Variants in RALYL observed in about 807,000 individuals in gnomAD.
RALYL encodes the protein RNA-binding Raly-like protein.
In RALYL, 29 loss-of-function variants were observed where a neutral mutation model predicts 35.1. The ratio of observed to expected loss-of-function variants is 0.83; its 90% CI spans 0.61 to 1.13. The LOEUF (loss-of-function observed/expected upper bound fraction) is 1.13. RALYL is among the 50% of genes most tolerant of loss of function. The probability of loss-of-function intolerance (pLI) is 0.00; values close to 1 mark genes in which losing one functional copy is unlikely to be tolerated. For synonymous variants in RALYL, 120 were observed against 127.6 expected, an observed-to-expected ratio of 0.94 and a Z score of 0.40; for missense variants, 359 against 360.4, an observed-to-expected ratio of 1.00 and a Z score of 0.03.
intron 2 of RALYL, among the ~76,000 whole-genome samples, chr8:84,547,141 A>G (rs1503601): frequency 0.4 from 60,759 of 151,700 alleles, 12,225 homozygotes; most frequent in South Asian, 0.51. Flanking sequence ...AACAGGCCCC[A>G]GTGTGTGATA....
At chr8:84,374,711 G>C (rs1352825818) in intron 1 of RALYL, among the ~76,000 whole-genome samples, 1 of 151,860 alleles carries the variant, frequency 6.6e-6, no homozygotes, top group Non-Finnish European at 1.5e-5. Context: ...CTACTTGAGG[G>C]TGGAGGGTGC....
At chr8:84,530,266 G>A (rs904672021) in intron 2 of RALYL, among the ~76,000 whole-genome samples, 2 of 151,750 alleles carry the variant, frequency 1.3e-5, no homozygotes, top group African/African-American at 2.4e-5. Flanking sequence ...TTCTACCTTA[G>A]GAAAAAAATA....
chr8:84,509,642 T>C (rs2057444787), intron 1 of RALYL, among the ~76,000 whole-genome samples: 1 of 152,192 alleles, frequency 6.6e-6, no homozygotes, highest in Admixed American at 6.5e-5. Context: ...AGGTGTTCTA[T>C]AGTTTTCCAT....
At chr8:84,842,555 A>T (rs921138433) in intron 4 of RALYL, among the ~76,000 whole-genome samples, 1 of 152,228 alleles carries the variant, frequency 6.6e-6, no homozygotes, top group Non-Finnish European at 1.5e-5. Context: ...AGGAGCTAGT[A>T]CCATTCCTTC....
intron 5 of RALYL, among the ~76,000 whole-genome samples, chr8:84,851,683 A>G (rs1450796709): frequency 6.6e-6 from 1 of 152,178 alleles, no homozygotes; most frequent in Non-Finnish European, 1.5e-5. Flanking sequence ...TAAGTTCCAC[A>G]AGAATTCCAT....
rs192781873 is a variant in RALYL at position 84,679,861 on chromosome 8, A to T, written c.257-94718A>T. 1,084 of 363,618 alleles carry T rather than the reference A, an allele frequency of 3.0e-3. 8 individuals carry two copies. Among genetic ancestry groups the T allele is most frequent in the African/African-American group, 0.014 (646 of 46,946 alleles). 22.5% of individuals were successfully genotyped at this position (363,618 alleles called of 1,614,324 possible). On this transcript the variant is annotated intron_variant, in intron 2 of 8. Transcript: ENST00000521268. ...CATCTTTATTTTTTTTCTTTTTTTT[A>T]AAATTATACTTTAAGTTTTAGGGTA...
intron 2 of RALYL, among the ~76,000 whole-genome samples, chr8:84,540,610 C>G (rs896551901): frequency 7.9e-5 from 12 of 151,520 alleles, no homozygotes; most frequent in African/African-American, 2.4e-4. Context: ...TCATGATAAA[C>G]TATTGGCTTA....
intron 2 of RALYL, among the ~76,000 whole-genome samples, chr8:84,703,709 A>G (rs1008470142): frequency 6.6e-6 from 1 of 152,210 alleles, no homozygotes; most frequent in African/African-American, 2.4e-5. Context: ...ACGTTTATTC[A>G]TATCATAAAT....
At chr8:84,436,818 G>C (rs894039370) in intron 1 of RALYL, among the ~76,000 whole-genome samples, 1 of 150,390 alleles carries the variant, frequency 6.6e-6, no homozygotes, top group Non-Finnish European at 1.5e-5. Flanking sequence ...CTATTTTGTT[G>C]TAAGGACATT....
chr8:84,611,687 G>A (rs1201951148), intron 2 of RALYL, among the ~76,000 whole-genome samples: 1 of 151,986 alleles, frequency 6.6e-6, no homozygotes, highest in Non-Finnish European at 1.5e-5. Flanking sequence ...TTTGATTAAC[G>A]CAATAAATAT....
At chr8:84,868,956 G>T (rs973553341) in intron 6 of RALYL, among the ~76,000 whole-genome samples, 3 of 151,894 alleles carry the variant, frequency 2.0e-5, no homozygotes, top group African/African-American at 7.3e-5. Context: ...TATGTTACAA[G>T]GGTATCACCT....
chr8:84,594,203 A>G (rs1396257585), intron 2 of RALYL, among the ~76,000 whole-genome samples: 2 of 152,092 alleles, frequency 1.3e-5, no homozygotes, highest in African/African-American at 2.4e-5. Context: ...AAGCATTAAC[A>G]TCTCTGAAAT....
At chr8:84,651,956 T>C (rs2131539032) in intron 2 of RALYL, among the ~76,000 whole-genome samples, 1 of 152,178 alleles carries the variant, frequency 6.6e-6, no homozygotes, top group African/African-American at 2.4e-5. Flanking sequence ...CTACAAGTCT[T>C]TGCATAGTAA....
intron 1 of RALYL, among the ~76,000 whole-genome samples, chr8:84,339,819 C>T (rs551056000): frequency 1.1e-4 from 16 of 152,000 alleles, no homozygotes; most frequent in Admixed American, 2.0e-4. Context: ...CAACTTAGTA[C>T]GAAATCTAGT....
intron 2 of RALYL, among the ~76,000 whole-genome samples, chr8:84,681,093 T>C (rs1835376763): frequency 6.6e-6 from 1 of 152,172 alleles, no homozygotes; most frequent in African/African-American, 2.4e-5. Context: ...CCCAGGACCA[T>C]TTATTAAATA....
chr8:84,280,766 A>ATATACATATATATG (rs1167542006), intron 1 of RALYL, among the ~76,000 whole-genome samples: 7 of 150,222 alleles, frequency 4.7e-5, no homozygotes, highest in Non-Finnish European at 8.9e-5. Context: ...AATATATATA[A>ATATACATATATATG]TATACATATA....
At chr8:84,693,902 C>T (rs990528799) in intron 2 of RALYL, among the ~76,000 whole-genome samples, 2 of 151,512 alleles carry the variant, frequency 1.3e-5, no homozygotes, top group African/African-American at 4.8e-5. Flanking sequence ...ATACATTTCA[C>T]AAAATTTAAC....
At chr8:84,278,959 C>T (rs953723102) in intron 1 of RALYL, among the ~76,000 whole-genome samples, 2 of 152,152 alleles carry the variant, frequency 1.3e-5, no homozygotes, top group South Asian at 4.1e-4. Context: ...CACCTCACTC[C>T]TGGTACCAAT....
chr8:84,523,998 C>A (rs919365333), intron 1 of RALYL, among the ~76,000 whole-genome samples: 1 of 152,016 alleles, frequency 6.6e-6, no homozygotes, highest in Non-Finnish European at 1.5e-5. Context: ...GTCTTTATAG[C>A]AGCATGATTT....
Sources: allele counts gnomAD v4.1 joint callset (sites outside exome capture counted in the v4.1 genomes callset), GRCh38; gene constraint gnomAD v4.1.1; transcripts MANE v1.5; gene names NCBI Gene and HGNC (gene_info 2026-07-23, HGNC 2026-07-21).